CSMD3: variants seen among roughly 807,000 people sequenced by gnomAD.
CSMD3 encodes the protein CUB and sushi domain-containing protein 3.
In CSMD3, 177 loss-of-function variants were observed where a neutral mutation model predicts 435.2. That is an observed-to-expected ratio of 0.41 (90% CI 0.36 to 0.46). The LOEUF (loss-of-function observed/expected upper bound fraction) is 0.46, where lower values mean the gene tolerates loss of function less well. Ranked by LOEUF, CSMD3 falls within the 20% of genes least tolerant of loss-of-function variation. CSMD3 has a pLI of 0.34. For synonymous variants in CSMD3, 1,656 were observed against 1,520.5 expected (o/e 1.09, Z -2.07); for missense variants, 4,265 against 4,504.6 (o/e 0.95, Z 1.52).
At chr8:113,086,484 A>G (rs986011713) in intron 5 of CSMD3, among the ~76,000 whole-genome samples, 2 of 152,172 alleles carry the variant, frequency 1.3e-5, no homozygotes, top group African/African-American at 2.4e-5. Context: ...TTCTTCATAA[A>G]CAATATGACA....
intron 1 of CSMD3, among the ~76,000 whole-genome samples, chr8:113,334,242 G>A (rs1408616921): frequency 6.8e-6 from 1 of 147,264 alleles, no homozygotes; most frequent in Non-Finnish European, 1.5e-5. Flanking sequence ...GTACTGTATA[G>A]CCACTTACAA....
intron 13 of CSMD3, among the ~76,000 whole-genome samples, chr8:112,796,147 G>A (rs2078823776): frequency 6.6e-6 from 1 of 152,010 alleles, no homozygotes; most frequent in Non-Finnish European, 1.5e-5. Context: ...AGGGTTTCCA[G>A]CTTTTCCTAA....
At chr8:113,116,300 G>T (rs1483957925) in intron 4 of CSMD3, among the ~76,000 whole-genome samples, 1 of 152,074 alleles carries the variant, frequency 6.6e-6, no homozygotes, top group Middle Eastern at 3.2e-3. Flanking sequence ...GTGATAGTAA[G>T]TTCTCACAAG....
intron 1 of CSMD3, among the ~76,000 whole-genome samples, chr8:113,355,567 T>A (rs2094216824): frequency 6.6e-6 from 1 of 151,594 alleles, no homozygotes; most frequent in African/African-American, 2.4e-5. Flanking sequence ...TAACCCTAAC[T>A]GTCTCCCAAA....
intron 22 of CSMD3, among the ~76,000 whole-genome samples, chr8:112,619,866 T>C (rs1195311354): frequency 6.6e-6 from 1 of 151,996 alleles, no homozygotes; most frequent in African/African-American, 2.4e-5. Context: ...TCCATAATAG[T>C]GAGACATTAA....
At chr8:113,236,765 A>G (rs2093155276) in intron 3 of CSMD3, among the ~76,000 whole-genome samples, 1 of 152,062 alleles carries the variant, frequency 6.6e-6, no homozygotes, top group African/African-American at 2.4e-5. Context: ...CTCACCCTCT[A>G]TAATAGTGTG....
At chr8:112,865,672 T>C (rs2080956747) in intron 10 of CSMD3, among the ~76,000 whole-genome samples, 1 of 136,976 alleles carries the variant, frequency 7.3e-6, no homozygotes, top group Non-Finnish European at 1.5e-5. Context: ...TCTTAAGTAT[T>C]ACCTTTACAT....
chr8:112,256,403 T>C (rs574114810), intron 61 of CSMD3, among the ~76,000 whole-genome samples: 1 of 152,146 alleles, frequency 6.6e-6, no homozygotes, highest in East Asian at 1.9e-4. Context: ...GGCAAAGGTG[T>C]CTCTCACTGA....
chr8:113,141,861 T>C (rs1178972103), intron 4 of CSMD3, among the ~76,000 whole-genome samples: 1 of 151,050 alleles, frequency 6.6e-6, no homozygotes, highest in African/African-American at 2.4e-5. Flanking sequence ...TTTGCAGATG[T>C]TATGTTTCTC....
intron 10 of CSMD3, among the ~76,000 whole-genome samples, chr8:112,867,186 A>G (rs1053488726): frequency 6.6e-6 from 1 of 152,170 alleles, no homozygotes; most frequent in African/African-American, 2.4e-5. Flanking sequence ...CTGACTTCAC[A>G]GAAGTAGGCC....
chr8:112,428,524 A>C (rs1299476256), intron 32 of CSMD3, among the ~76,000 whole-genome samples: 1 of 152,178 alleles, frequency 6.6e-6, no homozygotes, highest in Admixed American at 6.6e-5. Context: ...GAGAACTGAT[A>C]ATGTACAGTG....
intron 32 of CSMD3, among the ~76,000 whole-genome samples, chr8:112,434,461 A>G (rs1395790326): frequency 6.6e-6 from 1 of 152,134 alleles, no homozygotes; most frequent in Non-Finnish European, 1.5e-5. Context: ...TTCCTCCAAA[A>G]GTCTACCAGC....
intron 5 of CSMD3, among the ~76,000 whole-genome samples, chr8:113,081,058 GA>G: frequency 6.6e-6 from 1 of 152,048 alleles, no homozygotes; most frequent in Non-Finnish European, 1.5e-5. Flanking sequence ...TGAATACTTG[GA>G]AAAATAATGT....
chr8:112,400,552 A>G (rs1831234399), intron 35 of CSMD3, among the ~76,000 whole-genome samples: 2 of 152,296 alleles, frequency 1.3e-5, no homozygotes, highest in Middle Eastern at 3.4e-3. Flanking sequence ...TGACAGAGAG[A>G]TGGTGTGGGT....
chr8:113,087,860 G>A (rs2089855199), intron 5 of CSMD3, among the ~76,000 whole-genome samples: 1 of 152,076 alleles, frequency 6.6e-6, no homozygotes, highest in Non-Finnish European at 1.5e-5. Context: ...TGACAAATGG[G>A]ATCTAATTAA....
At chr8:112,468,234 A>ATT (rs771573736) in intron 32 of CSMD3, among the ~76,000 whole-genome samples, 15 of 93,704 alleles carry the variant, frequency 1.6e-4, no homozygotes, top group Non-Finnish European at 2.6e-4. Flanking sequence ...TGCCTAAAGT[A>ATT]TTTTTTTTTT....
At chr8:112,406,446 A>G in intron 35 of CSMD3, 78 bp downstream of exon 35, 1 of 836,674 alleles carries the variant, frequency 1.2e-6, no homozygotes, top group Non-Finnish European at 1.9e-6. Flanking sequence ...TAGATCTGAA[A>G]TTTAAAAAAT....
At chr8:112,516,800 T>A (rs1001135321) in intron 28 of CSMD3, among the ~76,000 whole-genome samples, 5 of 152,156 alleles carry the variant, frequency 3.3e-5, no homozygotes, top group African/African-American at 1.2e-4. Context: ...CTTTGATTCA[T>A]AACTGTTTTA....
At chr8:112,620,727 C>A (rs933964137) in intron 22 of CSMD3, among the ~76,000 whole-genome samples, 10 of 152,082 alleles carry the variant, frequency 6.6e-5, no homozygotes, top group Non-Finnish European at 1.5e-4. Flanking sequence ...ATTTGATCCC[C>A]GCCTCCTACT....
Sources: gnomAD v4.1 joint callset for allele counts (sites outside exome capture counted in the v4.1 genomes callset) on GRCh38, gnomAD v4.1.1 for gene constraint, MANE v1.5 for transcripts, NCBI Gene and HGNC (gene_info 2026-07-23, HGNC 2026-07-21) for gene names.